The following SLC5A11 variants were observed in gnomAD, a reference collection of about 807,000 sequenced individuals.
SLC5A11 encodes the protein solute carrier family 5 member 11.
In SLC5A11, 48 loss-of-function variants were observed where a neutral mutation model predicts 69.8. That is an observed-to-expected ratio of 0.69 (90% CI 0.55 to 0.87). SLC5A11 has a LOEUF of 0.87. Among genes scored for constraint, SLC5A11 ranks in the 40% least tolerant of loss-of-function variants. The pLI is 0.00. For synonymous variants in SLC5A11, 319 were observed against 342.4 expected (o/e 0.93, Z 0.75); for missense variants, 784 against 866.1 (o/e 0.91, Z 1.19).
At chr16:24,875,565 T>TG (rs60449337) in intron 5 of SLC5A11, 62 bp from the exon 7 acceptor site, 162,883 of 1,339,880 alleles carry the variant, frequency 0.12, 10,540 homozygotes, top group Non-Finnish European at 0.13. Flanking sequence ...AGGGCTTGTG[T>TG]GGGGGGGTCA....
intron 14 of SLC5A11, among the ~76,000 whole-genome samples, chr16:24,909,806 G>A (rs2050368667): frequency 6.8e-6 from 1 of 146,826 alleles, no homozygotes; most frequent in South Asian, 2.2e-4. Context: ...TCCCACCTGG[G>A]TGACAGAACA....
chr16:24,858,640 G>A (rs767704752), exon 2 of SLC5A11: 3 of 1,608,656 alleles, frequency 1.9e-6, no homozygotes, highest in Non-Finnish European at 2.5e-6. Flanking sequence ...TCTCGTTCAG[G>A]ACCATGGAGA....
At chr16:24,911,155 T>G in intron 15 of SLC5A11, among the ~76,000 whole-genome samples, 173 bp from the exon 17 acceptor site, 1 of 121,140 alleles carries the variant, frequency 8.3e-6, no homozygotes. Context: ...GACGACAGAG[T>G]GAGACTCTCT....
Position 24,870,019 on chromosome 16 carries a change from C to T in SLC5A11, c.312+14C>T, listed in dbSNP as rs1446766693. 1 of 1,568,542 alleles carries T rather than the reference C, an allele frequency of 6.4e-7. No homozygotes were observed. Among genetic ancestry groups the T allele is most frequent in the Non-Finnish European group, 8.8e-7 (1 of 1,138,640 alleles). On this transcript the variant is annotated intron_variant, in intron 4 of 15. Transcript: ENST00000347898. ...TATGAACTTAATGTAAGTATTTTAC[C>T]TAGGGCATAGATGACATCTTACCTC...
At chr16:24,862,480 T>C in intron 2 of SLC5A11, 121 bp from the exon 4 acceptor site, 1 of 603,300 alleles carries the variant, frequency 1.7e-6, no homozygotes, top group Non-Finnish European at 2.9e-6. Flanking sequence ...CAAAATATAT[T>C]TGATATCCGA....
At chr16:24,888,782 C>CTTT (rs2048570025) in intron 8 of SLC5A11, among the ~76,000 whole-genome samples, 1 of 81,922 alleles carries the variant, frequency 1.2e-5, no homozygotes, top group Admixed American at 1.4e-4. Context: ...CCGTGCCTGT[C>CTTT]CTTTTTTTTT....
chr16:24,872,608 TCTTGGC>T (rs2047376203), intron 5 of SLC5A11, among the ~76,000 whole-genome samples: 1 of 152,018 alleles, frequency 6.6e-6, no homozygotes, highest in South Asian at 2.1e-4. Context: ...AGTGGTGCAA[TCTTGGC>T]TCACCTGGTC....
chr16:24,896,880 T>TCTACACTAC (rs1283972770), intron 9 of SLC5A11, among the ~76,000 whole-genome samples: 17 of 150,870 alleles, frequency 1.1e-4, no homozygotes, highest in Non-Finnish European at 2.9e-5. Context: ...AGCCAGCAGC[T>TCTACACTAC]CTACACTACC....
intron 10 of SLC5A11, among the ~76,000 whole-genome samples, chr16:24,900,051 C>A (rs2049469989): frequency 6.6e-6 from 1 of 152,040 alleles, no homozygotes; most frequent in African/African-American, 2.4e-5. Context: ...GCCTCTAGAG[C>A]ATTTGCTTTA....
chr16:24,881,843 T>A (rs200122839), intron 7 of SLC5A11, among the ~76,000 whole-genome samples: 1 of 62,342 alleles, frequency 1.6e-5, no homozygotes, highest in Admixed American at 2.1e-4. Context: ...GCAGCAACCC[T>A]GGTGGTAAGA....
intron 3 of SLC5A11, among the ~76,000 whole-genome samples, chr16:24,868,373 G>A (rs1473014111): frequency 2.0e-5 from 3 of 150,056 alleles, no homozygotes; most frequent in South Asian, 2.1e-4. Flanking sequence ...GGCAGATCAC[G>A]AGGTCAGGAG....
At chr16:24,902,329 G>GAA (rs758774150) in intron 10 of SLC5A11, among the ~76,000 whole-genome samples, 1 of 146,244 alleles carries the variant, frequency 6.8e-6, no homozygotes, top group Non-Finnish European at 1.5e-5. Context: ...GGTTAAGGGG[G>GAA]AAAAAAAAAA....
chr16:24,903,483 C>G (rs2152408986), intron 10 of SLC5A11, among the ~76,000 whole-genome samples: 1 of 152,164 alleles, frequency 6.6e-6, no homozygotes, highest in South Asian at 2.1e-4. Context: ...ATCCATTTAC[C>G]AACCTTTGGC....
intron 2 of SLC5A11, among the ~76,000 whole-genome samples, chr16:24,859,533 C>T (rs2059673667): frequency 6.6e-6 from 1 of 152,186 alleles, no homozygotes; most frequent in African/African-American, 2.4e-5. Flanking sequence ...TATTAGCCTT[C>T]TCTCCACAGG....
chr16:24,899,616 A>T (rs372864959), intron 10 of SLC5A11, among the ~76,000 whole-genome samples: 1 of 151,910 alleles, frequency 6.6e-6, no homozygotes, highest in Admixed American at 6.6e-5. Flanking sequence ...GTTGGCCAGG[A>T]TGGTCTCGAT....
chr16:24,900,253 T>C (rs183260966), intron 10 of SLC5A11, among the ~76,000 whole-genome samples: 3 of 152,274 alleles, frequency 2.0e-5, no homozygotes, highest in Admixed American at 2.0e-4. Flanking sequence ...CTAAAGGGGA[T>C]GGAAAGCAGA....
At chr16:24,905,632 G>GCGCGCA (rs944598729) in intron 10 of SLC5A11, among the ~76,000 whole-genome samples, 10 of 74,324 alleles carry the variant, frequency 1.3e-4, no homozygotes, top group African/African-American at 2.4e-4. Context: ...AAAAACACGC[G>GCGCGCA]CGCGCGCGCA....
At chr16:24,882,979 C>G (rs1230481705) in intron 7 of SLC5A11, among the ~76,000 whole-genome samples, 1 of 152,178 alleles carries the variant, frequency 6.6e-6, no homozygotes, top group African/African-American at 2.4e-5. Flanking sequence ...GCAAACCCAA[C>G]AAGAATCCTC....
chr16:24,905,638 GCGCACACA>G (rs1048921407), intron 10 of SLC5A11, among the ~76,000 whole-genome samples: 13 of 70,308 alleles, frequency 1.8e-4, no homozygotes, highest in African/African-American at 4.3e-4. Flanking sequence ...ACGCGCGCGC[GCGCACACA>G]CACACACACA....
Sources: gnomAD v4.1 joint callset for allele counts (sites outside exome capture counted in the v4.1 genomes callset) on GRCh38, gnomAD v4.1.1 for gene constraint, MANE v1.5 for transcripts, NCBI Gene and HGNC (gene_info 2026-07-23, HGNC 2026-07-21) for gene names.